The following DOCK8 variants were observed in gnomAD, a reference collection of about 807,000 sequenced individuals.
DOCK8 encodes the protein dedicator of cytokinesis protein 8.
DOCK8 carries 141 observed loss-of-function variants against 245.6 expected under a neutral mutation model. That is an observed-to-expected ratio of 0.57 (90% confidence interval 0.50 to 0.66). The LOEUF is 0.66. Among genes scored for constraint, DOCK8 ranks in the 30% least tolerant of loss-of-function variants. The pLI is 0.00. For missense variants in DOCK8, 2,965 were observed against 2,603.4 expected (o/e 1.14, Z -3.02); for synonymous variants, 1,168 against 970.2 (o/e 1.20, Z -3.79).
At chr9:424,579 T>C (rs2056409104) in intron 33 of DOCK8, among the ~76,000 whole-genome samples, 1 of 152,056 alleles carries the variant, frequency 6.6e-6, no homozygotes, top group Non-Finnish European at 1.5e-5. Context: ...CTGCTTACTT[T>C]TTGTATTTTT....
intron 2 of DOCK8, among the ~76,000 whole-genome samples, chr9:277,493 T>G (rs2048404636): frequency 1.1e-5 from 1 of 88,806 alleles, no homozygotes; most frequent in African/African-American, 6.8e-5. Context: ...AGAGAAGACA[T>G]ACAAAAGAAG....
At chr9:449,666 G>GA (rs2057368897) in intron 44 of DOCK8, 118 bp from the exon 45 acceptor site, 10 of 1,301,508 alleles carry the variant, frequency 7.7e-6, no homozygotes, top group Non-Finnish European at 8.8e-6. Context: ...AAATTACTCT[G>GA]AAAGTCTTTC....
At chr9:309,362 G>T (rs952947144) in intron 5 of DOCK8, among the ~76,000 whole-genome samples, 1 of 152,098 alleles carries the variant, frequency 6.6e-6, no homozygotes, top group South Asian at 2.1e-4. Context: ...TAGTACTTTT[G>T]TGAGGTAGAT....
At chr9:233,126 C>A (rs1406189640) in intron 1 of DOCK8, among the ~76,000 whole-genome samples, 1 of 152,000 alleles carries the variant, frequency 6.6e-6, no homozygotes, top group African/African-American at 2.4e-5. Context: ...CAAAGAACAT[C>A]TTTATTTCTG....
intron 14 of DOCK8, among the ~76,000 whole-genome samples, chr9:349,697 G>A (rs1366021226): frequency 6.6e-6 from 1 of 152,146 alleles, no homozygotes; most frequent in Non-Finnish European, 1.5e-5. Context: ...TCAGCTCACA[G>A]GACACAGACC....
In DOCK8 at chr9:363,139, T is replaced by G. The variant is rs143824830; in HGVS notation, c.1680-4879T>G. On this transcript the variant is annotated intron_variant, in intron 14 of 47. Coordinates refer to ENST00000432829, the MANE Select transcript of DOCK8 (RefSeq NM_203447.4). ...GAGGAGGCCCTGGAGGGAAAATCGCTGATGATTATCAAATGTCCAGTTCTC... is the reference window on the plus strand; with the variant it reads ...GAGGAGGCCCTGGAGGGAAAATCGCGGATGATTATCAAATGTCCAGTTCTC... 2.9e-3 allele frequency among the ~76,000 whole-genome samples: 445 copies of G among 152,336 alleles called. 1 individual carries two copies. The highest frequency in any genetic ancestry group is 9.9e-3 in the South Asian group (48 of 4,826).
chr9:418,610 CATTG>C (rs1213906647), intron 30 of DOCK8, among the ~76,000 whole-genome samples: 3 of 152,162 alleles, frequency 2.0e-5, no homozygotes, highest in Non-Finnish European at 2.9e-5. Flanking sequence ...TTAGAGCAGG[CATTG>C]ATTATTTCCG....
At chr9:243,181 A>G (rs1420184939) in intron 1 of DOCK8, among the ~76,000 whole-genome samples, 1 of 152,202 alleles carries the variant, frequency 6.6e-6, no homozygotes. Context: ...GGTATAAAGC[A>G]TGAAACTTGA....
rs543445912 is a variant in DOCK8, at chr9:325,699, G to C, written c.856G>C (p.Ala286Pro). 4.3e-6 allele frequency: 7 copies of C among 1,614,002 alleles called. No homozygotes were observed. In the South Asian group the frequency reaches 5.5e-5, roughly 13 times the overall value. Reference sequence around the variant, plus strand: ...CGAGATTGAAATTGAGCCCCTGTTTGCCAGCATTGCCCTCTACGATGTTAA... The same window carrying C: ...CGAGATTGAAATTGAGCCCCTGTTTCCCAGCATTGCCCTCTACGATGTTAA... ...KFEIEIEPLFASIALYDVKER... is the reference protein window; with the variant it reads ...KFEIEIEPLFPSIALYDVKER... The change falls in exon 8 of 48, where the codon GCC becomes CCC. Residue 286 changes from alanine to proline, a missense_variant. Around this residue, in one of 3 missense-constraint regions of DOCK8, gnomAD observed 2,825 missense variants for 2,453.5 expected, o/e 1.15. Coordinates refer to ENST00000432829, the MANE Select transcript of DOCK8 (RefSeq NM_203447.4).
chr9:230,340 G>A (rs1009496892), intron 1 of DOCK8, among the ~76,000 whole-genome samples: 1 of 152,074 alleles, frequency 6.6e-6, no homozygotes. Flanking sequence ...TTGCTATTGT[G>A]AATAGTGCTG....
chr9:405,281 C>A lies in DOCK8; in HGVS notation c.3390+208C>A, dbSNP rs568619166. Among the ~76,000 whole-genome samples the A allele has an allele frequency of 3.9e-5, 6 of 152,290 alleles. No homozygotes were observed. The East Asian group carries it at 5.8e-4, about 15-fold the overall frequency. ...AATTGGTTTCTCCCCAGGCTCAAGGCTCCCTGATCAGGTTAAGTAAAGCCA... is the reference window on the plus strand; with the variant it reads ...AATTGGTTTCTCCCCAGGCTCAAGGATCCCTGATCAGGTTAAGTAAAGCCA... On this transcript the variant is annotated intron_variant, in intron 27 of 47. Transcript: ENST00000432829.
intron 5 of DOCK8, among the ~76,000 whole-genome samples, chr9:307,350 T>TG (rs2049888976): frequency 4.3e-5 from 1 of 23,234 alleles, no homozygotes; most frequent in Non-Finnish European, 1.3e-4. Context: ...TTTTTTTTTT[T>TG]TTTTTTTTTT....
At position 230,431 on chromosome 9, in the gene DOCK8, G is replaced by C. The variant is rs556211537; in HGVS notation, c.53+15402G>C. On this transcript the variant is annotated intron_variant, in intron 1 of 47. Coordinates refer to ENST00000432829, the MANE Select transcript of DOCK8 (RefSeq NM_203447.4). ...GAATATACCCAGTAATAGGATGGCT[G>C]GGTCAAATGGTATTTCTAGTTCTAG... Among the ~76,000 whole-genome samples, 5 of 152,210 alleles carry C rather than the reference G, an allele frequency of 3.3e-5. No homozygotes were observed. The East Asian group carries it at 9.6e-4, about 29-fold the overall frequency.
intron 33 of DOCK8, among the ~76,000 whole-genome samples, chr9:424,031 T>C (rs2056385951): frequency 6.6e-6 from 1 of 150,924 alleles, no homozygotes; most frequent in Admixed American, 6.7e-5. Context: ...GAGCTAATGA[T>C]TCACATCTAC....
intron 1 of DOCK8, among the ~76,000 whole-genome samples, chr9:244,546 A>G (rs1373370091): frequency 2.0e-5 from 3 of 152,126 alleles, no homozygotes; most frequent in African/African-American, 7.2e-5. Flanking sequence ...GTCTCCCGCA[A>G]CCTGCCCCTG....
Position 464,328 on chromosome 9 carries a change from T to A in DOCK8, c.*109T>A. On this transcript the variant is annotated 3_prime_UTR_variant, in exon 48 of 48. Transcript: ENST00000432829. ...CACCCAGGACTGACTGTACACTCCC[T>A]GATCAGCCAGCACTCTGGAAGCTTT... The A allele has an allele frequency of 5.4e-6, 5 of 928,262 alleles. No homozygotes were observed. The East Asian group carries it at 1.2e-4, about 22-fold the overall frequency. 57.5% of individuals were successfully genotyped at this position (928,262 alleles called of 1,614,324 possible).
At chr9:339,221 G>T in intron 13 of DOCK8, 122 bp downstream of exon 13, 3 of 861,346 alleles carry the variant, frequency 3.5e-6, no homozygotes, top group Admixed American at 2.0e-5. Flanking sequence ...GAGATTTTGT[G>T]TTAGGGGTTA....
At chr9:271,908 G>A (rs1026882870) in intron 2 of DOCK8, among the ~76,000 whole-genome samples, 179 bp downstream of exon 2, 2 of 152,106 alleles carry the variant, frequency 1.3e-5, no homozygotes, top group South Asian at 2.1e-4. Flanking sequence ...TCTGCCAACC[G>A]GTACTTAGGG....
intron 46 of DOCK8, among the ~76,000 whole-genome samples, chr9:460,966 G>T (rs536576164): frequency 2.6e-5 from 4 of 152,178 alleles, no homozygotes; most frequent in African/African-American, 9.7e-5. Context: ...TAATTATTGC[G>T]TGTTAGGTAA....
Sources: allele counts gnomAD v4.1 joint callset (sites outside exome capture counted in the v4.1 genomes callset), GRCh38; gene constraint gnomAD v4.1.1; regional missense constraint gnomAD v4.1.1; transcripts MANE v1.5; gene names NCBI Gene and HGNC (gene_info 2026-07-23, HGNC 2026-07-21).